ASTN1: variants seen among roughly 807,000 people sequenced by gnomAD.
ASTN1 encodes astrotactin 1.
Under a neutral mutation model 140.7 loss-of-function variants are expected in ASTN1, and 41 were observed. That is an observed-to-expected ratio of 0.29 (90% confidence interval 0.23 to 0.38). The LOEUF (loss-of-function observed/expected upper bound fraction) is 0.38, where lower values mean the gene tolerates loss of function less well. Ranked by LOEUF, ASTN1 falls within the 10% of genes least tolerant of loss-of-function variation. The probability of loss-of-function intolerance (pLI) is 1.00; values close to 1 mark genes in which losing one functional copy is unlikely to be tolerated. For synonymous variants in ASTN1, 640 were observed against 652.2 expected (o/e 0.98, Z 0.29); for missense variants, 1,479 against 1,678.8 (o/e 0.88, Z 2.08).
chr1:177,036,004 T>G (rs1235427709), intron 2 of ASTN1, among the ~76,000 whole-genome samples: 2 of 151,496 alleles, frequency 1.3e-5, no homozygotes, highest in Admixed American at 1.3e-4. Flanking sequence ...CTGCTTAGAG[T>G]CAGTGACTCT....
chr1:177,046,828 C>T lies in ASTN1; in HGVS notation c.472-13979G>A, dbSNP rs148706530. Among the ~76,000 whole-genome samples, 32 of 152,190 alleles carry T rather than the reference C, an allele frequency of 2.1e-4. 1 individual carries two copies. Among genetic ancestry groups the T allele is most frequent in the Admixed American group, 8.5e-4 (13 of 15,298 alleles). On this transcript the variant is annotated intron_variant, in intron 2 of 22. Coordinates refer to ENST00000361833, the MANE Select transcript of ASTN1 (RefSeq NM_004319.3). ...GAAAAGGGAGCCACAGGACCAGAGA[C>T]GAGGCCTGAAGAGAACATTTTGCTG... is the stretch of plus-strand genomic sequence containing the variant.
chr1:177,133,174 T>C (rs1234898168), intron 1 of ASTN1, among the ~76,000 whole-genome samples: 2 of 152,182 alleles, frequency 1.3e-5, no homozygotes, highest in African/African-American at 4.8e-5. Flanking sequence ...TTGACCTAAA[T>C]AATAATTAGA....
intron 16 of ASTN1, 110 bp from the exon 17 acceptor site, chr1:176,894,940 A>C: frequency 7.0e-7 from 1 of 1,432,026 alleles, no homozygotes; most frequent in Non-Finnish European, 9.6e-7. Flanking sequence ...AGAAACAGCC[A>C]CTGAAGGGGT....
At chr1:176,932,225 A>T (rs1346913252) in intron 16 of ASTN1, among the ~76,000 whole-genome samples, 1 of 152,220 alleles carries the variant, frequency 6.6e-6, no homozygotes, top group Non-Finnish European at 1.5e-5. Context: ...ACATATAATC[A>T]AAGGACTCAA....
intron 11 of ASTN1, among the ~76,000 whole-genome samples, chr1:176,951,389 A>T (rs933822043): frequency 6.6e-6 from 1 of 152,226 alleles, no homozygotes; most frequent in Non-Finnish European, 1.5e-5. Context: ...CCTGGAAGAC[A>T]TGGAAGTTTG....
Position 176,895,470 on chromosome 1 carries a change from G to A in ASTN1, c.2672-640C>T, listed in dbSNP as rs116525882. Among the ~76,000 whole-genome samples, 580 of 152,300 alleles carry A rather than the reference G, an allele frequency of 3.8e-3. 1 individual carries two copies. The highest frequency in any genetic ancestry group is 0.012 in the African/African-American group (513 of 41,558). On this transcript the variant is annotated intron_variant, in intron 16 of 22. Transcript: ENST00000361833. ...ACAGCTAGTAGATTGTGAGAGCTGGGATTTGAATCCACTTTTGTCTGATTC... is the reference window on the plus strand; with the variant it reads ...ACAGCTAGTAGATTGTGAGAGCTGGAATTTGAATCCACTTTTGTCTGATTC...
At chr1:176,909,812 G>T (rs191377662) in intron 16 of ASTN1, among the ~76,000 whole-genome samples, 64 of 152,214 alleles carry the variant, frequency 4.2e-4, no homozygotes, top group Admixed American at 3.9e-3. Flanking sequence ...AAGACCCTGG[G>T]CGTATCTTTC....
chr1:177,009,954 T>A (rs1675207315), intron 8 of ASTN1, among the ~76,000 whole-genome samples: 1 of 152,184 alleles, frequency 6.6e-6, no homozygotes. Flanking sequence ...CAGGCTATTA[T>A]TTACTGGGAA....
In ASTN1 at chr1:176,934,330, A is replaced by G; in HGVS notation, c.2493T>C (p.Asn831=). The part of the protein sequence containing the change: ...NQVAISQALS[N]ALHSLDGATS... ...TAGCCCCATCCAGCGAGTGGAGAGCATTGCTGAGGGCTATGGAGAGGCATC... is the reference window on the plus strand; with the variant it reads ...TAGCCCCATCCAGCGAGTGGAGAGCGTTGCTGAGGGCTATGGAGAGGCATC... Residue 831 remains asparagine (N), a synonymous_variant, in exon 16 of 23, where the codon AAT becomes AAC. Coordinates refer to ENST00000361833, the MANE Select transcript of ASTN1 (RefSeq NM_004319.3). 6.2e-7 allele frequency: 1 copy of G among 1,611,540 alleles called. No homozygotes were observed. Among genetic ancestry groups the G allele is most frequent in the South Asian group, 1.1e-5 (1 of 90,978 alleles).
At chr1:177,054,605 CA>C (rs1279107594) in intron 2 of ASTN1, among the ~76,000 whole-genome samples, 1 of 152,136 alleles carries the variant, frequency 6.6e-6, no homozygotes, top group Non-Finnish European at 1.5e-5. Flanking sequence ...AAGCTTTGAA[CA>C]AACAGGGGCT....
intron 1 of ASTN1, among the ~76,000 whole-genome samples, chr1:177,098,585 G>A (rs1055189860): frequency 6.6e-6 from 1 of 152,102 alleles, no homozygotes; most frequent in Non-Finnish European, 1.5e-5. Context: ...CACAACAAAT[G>A]TTGGGTGCAA....
intron 21 of ASTN1, among the ~76,000 whole-genome samples, chr1:176,870,097 T>A (rs1357631098): frequency 2.0e-5 from 3 of 152,240 alleles, no homozygotes; most frequent in African/African-American, 7.2e-5. Flanking sequence ...AGACTTGGCA[T>A]TTTTTTCTTA....
chr1:177,160,814 T>G (rs1647313294), intron 1 of ASTN1, among the ~76,000 whole-genome samples: 1 of 152,212 alleles, frequency 6.6e-6, no homozygotes, highest in African/African-American at 2.4e-5. Context: ...ACAGTTATTT[T>G]GCAACACTTT....
intron 13 of ASTN1, among the ~76,000 whole-genome samples, chr1:176,945,556 C>T (rs975405868): frequency 6.6e-5 from 10 of 152,072 alleles, no homozygotes; most frequent in African/African-American, 2.4e-4. Context: ...TTCCTGGGAC[C>T]CTTAGGTATC....
intron 16 of ASTN1, among the ~76,000 whole-genome samples, chr1:176,906,265 T>C (rs1669995636): frequency 6.6e-6 from 1 of 152,082 alleles, no homozygotes. Flanking sequence ...ATTTGAAGGG[T>C]TGTCACATGG....
intron 1 of ASTN1, among the ~76,000 whole-genome samples, chr1:177,066,030 T>C (rs1678336109): frequency 6.6e-6 from 1 of 152,194 alleles, no homozygotes; most frequent in Non-Finnish European, 1.5e-5. Flanking sequence ...GTCGATGAAC[T>C]TGAAAATTTT....
At chr1:176,892,867 A>G (rs578120299) in intron 17 of ASTN1, among the ~76,000 whole-genome samples, 5 of 152,354 alleles carry the variant, frequency 3.3e-5, no homozygotes, top group Non-Finnish European at 7.3e-5. Context: ...TGGCAAAGAC[A>G]AAATATGTCT....
intron 1 of ASTN1, among the ~76,000 whole-genome samples, chr1:177,076,790 T>G (rs1336238206): frequency 6.6e-6 from 1 of 152,154 alleles, no homozygotes; most frequent in Non-Finnish European, 1.5e-5. Context: ...CCCAAAGTGC[T>G]GGGATTACAG....
intron 16 of ASTN1, among the ~76,000 whole-genome samples, chr1:176,923,023 G>A (rs1479339916): frequency 2.0e-5 from 3 of 151,892 alleles, no homozygotes; most frequent in Non-Finnish European, 2.9e-5. Context: ...AGTATTGCTA[G>A]CCCCATTTTA....
Sources: gnomAD v4.1 joint callset for allele counts (sites outside exome capture counted in the v4.1 genomes callset) on GRCh38, gnomAD v4.1.1 for gene constraint, MANE v1.5 for transcripts, NCBI Gene and HGNC (gene_info 2026-07-23, HGNC 2026-07-21) for gene names.